The following PSD variants were observed in gnomAD, a reference collection of about 807,000 sequenced individuals.
PSD encodes pleckstrin and Sec7 domain containing.
In PSD, 32 loss-of-function variants were observed where a neutral mutation model predicts 91.6. That is an observed-to-expected ratio of 0.35 (90% CI 0.26 to 0.47). PSD has a LOEUF of 0.47. PSD is among the 20% of genes least tolerant of loss of function. PSD has a pLI of 1.00. For synonymous variants in PSD, 532 were observed against 569.3 expected, an observed-to-expected ratio of 0.93 and a Z score of 0.93; for missense variants, 1,099 against 1,373.9, an observed-to-expected ratio of 0.80 and a Z score of 3.16.
chr10:102,403,933 A>C lies in PSD; in HGVS notation c.2753T>G (p.Leu918Arg). The change falls in exon 16 of 17, where the codon CTG becomes CGG. Residue 918 changes from leucine to arginine, a missense_variant. Physicochemically the swap from Leu to Arg is moderately radical, Grantham distance 102. Coordinates refer to ENST00000020673, the MANE Select transcript of PSD (RefSeq NM_002779.5). The surrounding 1 kb of genome is among the most constrained non-coding windows in gnomAD (Gnocchi z 6.7). The part of the protein sequence containing the change: ...EAKLKAMASE[L>R]REHRAAQLGK... ...CAGCTGGGCGGCCCGGTGCTCCCGC[A>C]GCTCACTTGCCATGGCCTTCAGCTT... 1 of 1,587,686 alleles carries C rather than the reference A, an allele frequency of 6.3e-7. No individual in the cohort carries two copies. Among genetic ancestry groups the C allele is most frequent in the Non-Finnish European group, 8.6e-7 (1 of 1,167,204 alleles).
intron 11 of PSD, 92 bp downstream of exon 11, chr10:102,407,131 C>G: frequency 2.5e-6 from 3 of 1,216,074 alleles, no homozygotes; most frequent in Middle Eastern, 2.9e-4. Context: ...TCCCCTACCC[C>G]CACCCAGGGC....
chr10:102,416,321 C>T lies in PSD; in HGVS notation c.654+64G>A. ...GAGTGAACAGCAGACAAGCCCATGT[C>T]TGACAGGAGGCTGAGCCTTGCCCCT... On this transcript the variant is annotated intron_variant, in intron 2 of 16. Transcript: ENST00000020673. The surrounding 1 kb of genome is among the most constrained non-coding windows in gnomAD (Gnocchi z 6.0). 6.6e-7 allele frequency: 1 copy of T among 1,526,472 alleles called. No individual in the cohort carries two copies. Among genetic ancestry groups the T allele is most frequent in the Admixed American group, 2.0e-5 (1 of 49,868 alleles). The allele number at this position is 1,526,472 out of a possible 1,614,324, so 94.6% of individuals were successfully genotyped here.
At chr10:102,418,227 C>G (rs1009344280) in intron 1 of PSD, among the ~76,000 whole-genome samples, 6 of 140,692 alleles carry the variant, frequency 4.3e-5, no homozygotes, top group African/African-American at 1.8e-4. Flanking sequence ...ACAGTCATAA[C>G]AAGTATGTGT....
intron 11 of PSD, 37 bp downstream of exon 11, chr10:102,407,185 GC>G: frequency 1.3e-6 from 2 of 1,561,090 alleles, no homozygotes; most frequent in Non-Finnish European, 8.7e-7. Flanking sequence ...CCTTCCCCAT[GC>G]CCCATCCTAG....
At position 102,405,643 on chromosome 10, in the gene PSD, G is replaced by T; in HGVS notation, c.2136-107C>A. The T allele has an allele frequency of 1.8e-6, 2 of 1,102,574 alleles. No individual in the cohort carries two copies. The highest frequency in any genetic ancestry group is 1.3e-6 in the Non-Finnish European group (1 of 785,046). The allele number at this position is 1,102,574 out of a possible 1,614,324, so 68.3% of individuals were successfully genotyped here. A position where few individuals can be genotyped will look rare whatever the true frequency, so the allele number is the denominator to read the frequency against. ...AAGCTCCCCCAGTGTTTGTGGCTTG[G>T]GGGGCTCAACCTGAGGGTCCTGCCA... On this transcript the variant is annotated intron_variant, in intron 11 of 16. Coordinates refer to ENST00000020673, the MANE Select transcript of PSD (RefSeq NM_002779.5). This position sits in a 1 kb window ranked among gnomAD's most constrained non-coding sequence, Gnocchi z 5.4.
Position 102,402,757 on chromosome 10 carries a change from G to C in PSD, c.*443C>G. ...GACGCCCTTCCTCCACCTCCAGCAA[G>C]AGAAAGAGTAAGCCCTTGGGGAGGA... On this transcript the variant is annotated 3_prime_UTR_variant, in exon 17 of 17. Transcript: ENST00000020673. The C allele has an allele frequency of 3.8e-6, 1 of 264,468 alleles. No individual in the cohort carries two copies. The highest frequency in any genetic ancestry group is 7.2e-6 in the Non-Finnish European group (1 of 139,292). The allele number at this position is 264,468 out of a possible 1,614,324, so 16.4% of individuals were successfully genotyped here.
At position 102,414,623 on chromosome 10, in the gene PSD, G is replaced by T. The variant is rs532258800; in HGVS notation, c.1124+240C>A. Among the ~76,000 whole-genome samples, 1 of 152,216 alleles carries T rather than the reference G, an allele frequency of 6.6e-6. No homozygotes were observed. Among genetic ancestry groups the T allele is most frequent in the South Asian group, 2.1e-4 (1 of 4,822 alleles). ...TCCTGTGTTCCTGGGCTTGACTGTG[G>T]CCTCTGGCCTCTCACCCTGCCCCCT... On this transcript the variant is annotated intron_variant, in intron 4 of 16. Coordinates refer to ENST00000020673, the MANE Select transcript of PSD (RefSeq NM_002779.5). This position sits in a 1 kb window ranked among gnomAD's most constrained non-coding sequence, Gnocchi z 5.6.
In PSD at chr10:102,415,096, G is replaced by C; in HGVS notation, c.891C>G (p.Arg297=). 1.9e-6 allele frequency: 3 copies of C among 1,613,978 alleles called. No homozygotes were observed. Among genetic ancestry groups the C allele is most frequent in the Non-Finnish European group, 2.5e-6 (3 of 1,180,018 alleles). ...DLDTVPLRCY[R]ETDIDEVLAE... is the part of the protein sequence containing the mutation. The stretch of plus-strand genomic sequence containing the variant: ...CCAGCACCTCATCGATGTCAGTCTC[G>C]CGGTAGCACCTCAGGGGCACCGTGT... Residue 297 remains arginine (R), a synonymous_variant, in exon 4 of 17, where the codon CGC becomes CGG. Coordinates refer to ENST00000020673, the MANE Select transcript of PSD (RefSeq NM_002779.5).
chr10:102,405,498 G>C lies in PSD; in HGVS notation c.2174C>G (p.Ala725Gly). Residue 725 changes from alanine (A) to glycine (G), a missense_variant, in exon 12 of 17, where the codon GCC (alanine) becomes GGC (glycine). Ala to Gly is a moderately conservative substitution (Grantham distance 60, BLOSUM62 0). Coordinates refer to ENST00000020673, the MANE Select transcript of PSD (RefSeq NM_002779.5). This position sits in a 1 kb window ranked among gnomAD's most constrained non-coding sequence, Gnocchi z 5.4. Reference sequence around the variant, plus strand: ...CTTGATGACCTTGGGGTTGGGGTCGGCCAACTCAGACAGAGAGCGTCTCAG... The same window carrying C: ...CTTGATGACCTTGGGGTTGGGGTCGCCCAACTCAGACAGAGAGCGTCTCAG... ...EELRRSLSEL[A>G]DPNPKVIKRI... The C allele has an allele frequency of 6.2e-7, 1 of 1,613,882 alleles. No homozygotes were observed. Among genetic ancestry groups the C allele is most frequent in the South Asian group, 1.1e-5 (1 of 91,074 alleles).
chr10:102,408,694 G>T (rs1390991138), intron 10 of PSD, among the ~76,000 whole-genome samples: 1 of 152,214 alleles, frequency 6.6e-6, no homozygotes, highest in African/African-American at 2.4e-5. Flanking sequence ...ATCTAGAAAA[G>T]CCTCTTCGGT....
At chr10:102,408,905 T>C (rs905792718) in intron 10 of PSD, 10 of 987,370 alleles carry the variant, frequency 1.0e-5, no homozygotes, top group Non-Finnish European at 1.1e-5. Flanking sequence ...CGCCTTTTTC[T>C]TCTTGCGGCT....
chr10:102,406,813 A>G (rs982895530), intron 11 of PSD, among the ~76,000 whole-genome samples: 15 of 152,058 alleles, frequency 9.9e-5, no homozygotes, highest in East Asian at 1.9e-4. Flanking sequence ...CCGAGTATCT[A>G]TGTTTCTATT....
At position 102,418,169 on chromosome 10, in the gene PSD, GACACAC is replaced by G. The variant is rs140673906; in HGVS notation, c.-84+526_-84+531del. On this transcript the variant is annotated intron_variant, in intron 1 of 16. Coordinates refer to ENST00000020673, the MANE Select transcript of PSD (RefSeq NM_002779.5). ...GGCAACACCCTCTGGCACACACACA[GACACAC>G]ACACACACACACTGCTCAAAGACAC... Among the ~76,000 whole-genome samples the G allele has an allele frequency of 4.7e-5, 7 of 147,580 alleles. 1 individual carries two copies. The highest frequency in any genetic ancestry group is 2.2e-4 in the South Asian group (1 of 4,600).
chr10:102,403,198 T>C lies in PSD; in HGVS notation c.*2A>G. 1 of 1,550,236 alleles carries C rather than the reference T, an allele frequency of 6.5e-7. No homozygotes were observed. The highest frequency in any genetic ancestry group is 8.7e-7 in the Non-Finnish European group (1 of 1,144,756). On this transcript the variant is annotated 3_prime_UTR_variant, in exon 17 of 17. Transcript: ENST00000020673. The surrounding 1 kb of genome is among the most constrained non-coding windows in gnomAD (Gnocchi z 6.7). ...CAGGCACTCCCCACCCTAAACCTCA[T>C]CTCAGGGCTTCCGCCGCCCACTGCC...
At chr10:102,408,931 C>G (rs1005450296) in intron 10 of PSD, 5 of 987,502 alleles carry the variant, frequency 5.1e-6, no homozygotes, top group Non-Finnish European at 6.0e-6. Flanking sequence ...GGCGGCTGAC[C>G]ACCAGGTCGG....
rs2061459673 is a variant in PSD, at chr10:102,414,888, C to T, written c.1099G>A (p.Val367Met). 6.6e-7 allele frequency: 1 copy of T among 1,504,824 alleles called. No individual in the cohort carries two copies. 93.2% of individuals were successfully genotyped at this position (1,504,824 alleles called of 1,614,324 possible). The change falls in exon 4 of 17, where the codon GTG (valine) becomes ATG (methionine). Residue 367 changes from valine (V) to methionine (M), a missense_variant. By Grantham distance (21) the Val-to-Met change is conservative. This residue lies in a region of PSD where 631 missense variants were observed against 728.8 expected (regional missense o/e 0.87). Transcript: ENST00000020673. The surrounding 1 kb of genome is among the most constrained non-coding windows in gnomAD (Gnocchi z 5.6). Reference protein sequence around the residue: ...AGGEEDVDDEVFEASEGARPG... With the variant: ...AGGEEDVDDEMFEASEGARPG... The stretch of plus-strand genomic sequence containing the variant: ...CGGGCCCCTTCAGAGGCCTCAAACA[C>T]CTCGTCGTCCACATCTTCTTCCCCA...
upstream of PSD, chr10:102,419,215 GC>G (rs927919927): frequency 1.1e-4 from 17 of 159,778 alleles, no homozygotes; most frequent in African/African-American, 4.1e-4. The surrounding 1 kb of genome is among the most constrained non-coding windows in gnomAD (Gnocchi z 4.8). Context: ...GACTGGACCC[GC>G]CCCCTAAATC....
rs2061310082 is a variant in PSD at position 102,403,446 on chromosome 10, A to G, written c.2845-16T>C. On this transcript the variant is annotated splice_polypyrimidine_tract_variant and intron_variant, in intron 16 of 16. Coordinates refer to ENST00000020673, the MANE Select transcript of PSD (RefSeq NM_002779.5). This position sits in a 1 kb window ranked among gnomAD's most constrained non-coding sequence, Gnocchi z 6.7. ...AGCGGGATTTCTGAGGCAGAGGGGCAGGGGCTGTGAGAGCCTCTTCTCTGC... is the reference window on the plus strand; with the variant it reads ...AGCGGGATTTCTGAGGCAGAGGGGCGGGGGCTGTGAGAGCCTCTTCTCTGC... 6.3e-7 allele frequency: 1 copy of G among 1,587,950 alleles called. No individual in the cohort carries two copies. The highest frequency in any genetic ancestry group is 1.3e-5 in the African/African-American group (1 of 74,744).
At position 102,410,819 on chromosome 10, in the gene PSD, C is replaced by T; in HGVS notation, c.2091+39G>A. 1 of 1,508,472 alleles carries T rather than the reference C, an allele frequency of 6.6e-7. No homozygotes were observed. The highest frequency in any genetic ancestry group is 9.2e-7 in the Non-Finnish European group (1 of 1,085,188). The allele number at this position is 1,508,472 out of a possible 1,614,324, so 93.4% of individuals were successfully genotyped here. On this transcript the variant is annotated intron_variant, in intron 10 of 16. Transcript: ENST00000020673. The surrounding 1 kb of genome is among the most constrained non-coding windows in gnomAD (Gnocchi z 6.0). The stretch of plus-strand genomic sequence containing the variant: ...TCCGTCGCCGACTGGGTCCTCCATC[C>T]TTCCCCTCCAGCGACTTCTACCCTG...
Sources: allele counts gnomAD v4.1 joint callset (sites outside exome capture counted in the v4.1 genomes callset), GRCh38; gene constraint gnomAD v4.1.1; regional missense constraint gnomAD v4.1.1; non-coding constraint Gnocchi (gnomAD v3.1); transcripts MANE v1.5; gene names NCBI Gene and HGNC (gene_info 2026-07-23, HGNC 2026-07-21).